KANSL1: variants seen among roughly 807,000 people sequenced by gnomAD.
KANSL1 encodes KAT8 regulatory NSL complex subunit 1.
In KANSL1, 22 loss-of-function variants were observed where a neutral mutation model predicts 103.6. The observed-to-expected ratio is 0.21, with a 90% CI of 0.15 to 0.30. The LOEUF (loss-of-function observed/expected upper bound fraction) is 0.30. KANSL1 is among the 10% of genes least tolerant of loss of function. KANSL1 has a pLI of 1.00. For synonymous variants in KANSL1, 600 were observed against 527.6 expected (o/e 1.14, Z -1.88); for missense variants, 1,337 against 1,399.8 (o/e 0.96, Z 0.72).
intron 1 of KANSL1, among the ~76,000 whole-genome samples, chr17:46,200,746 T>A (rs1161798743): frequency 9.0e-6 from 1 of 111,012 alleles, no homozygotes; most frequent in East Asian, 2.0e-4. Context: ...TGTCTCAAAA[T>A]ATATATATAT....
At chr17:46,036,046 C>T (rs2077139097) in intron 10 of KANSL1, 1 of 140,408 alleles carries the variant, frequency 7.1e-6, no homozygotes, top group African/African-American at 2.5e-5. Context: ...AAAAAAGGTT[C>T]TAGGACTCCC....
At chr17:46,106,490 T>G (rs2042574252) in intron 2 of KANSL1, among the ~76,000 whole-genome samples, 2 of 152,316 alleles carry the variant, frequency 1.3e-5, no homozygotes, top group Middle Eastern at 3.4e-3. Flanking sequence ...CCTCACGGGT[T>G]CAAGCAATTC....
chr17:46,135,087 A>G (rs1040323572), intron 2 of KANSL1, among the ~76,000 whole-genome samples: 1 of 150,854 alleles, frequency 6.6e-6, no homozygotes, highest in South Asian at 2.1e-4. Flanking sequence ...CTTAATTTCT[A>G]CTCTTTTGTG....
chr17:46,094,350 GC>G (rs1436800630), intron 3 of KANSL1: 1 of 586,390 alleles, frequency 1.7e-6, no homozygotes, highest in Non-Finnish European at 2.9e-6. Context: ...TCCTGCCTTG[GC>G]CTCCCAAAGT....
At chr17:46,058,680 ACT>A (rs1231628655) in intron 6 of KANSL1, among the ~76,000 whole-genome samples, 1 of 150,166 alleles carries the variant, frequency 6.7e-6, no homozygotes, top group Non-Finnish European at 1.5e-5. Context: ...TCAAACCAAC[ACT>A]CTCACTAATT....
chr17:46,161,594 C>A (rs569467904), intron 2 of KANSL1, among the ~76,000 whole-genome samples: 2 of 152,146 alleles, frequency 1.3e-5, no homozygotes, highest in Non-Finnish European at 2.9e-5. Context: ...AGAAACAAAC[C>A]GGAAATAGCA....
chr17:46,060,337 G>A (rs189056339), intron 6 of KANSL1, among the ~76,000 whole-genome samples: 2 of 152,342 alleles, frequency 1.3e-5, no homozygotes, highest in East Asian at 3.9e-4. Flanking sequence ...TCACAATCAA[G>A]CATATCCCAC....
chr17:46,182,710 T>C (rs1195992871), intron 1 of KANSL1, among the ~76,000 whole-genome samples: 1 of 152,274 alleles, frequency 6.6e-6, no homozygotes, highest in Non-Finnish European at 1.5e-5. Context: ...CAATGTAAGG[T>C]AAGTACTACT....
chr17:46,193,604 A>T (rs1209816885), upstream of KANSL1: 1 of 262,402 alleles, frequency 3.8e-6, no homozygotes, highest in Non-Finnish European at 8.0e-6. Flanking sequence ...CGCCTCAGTC[A>T]TGGCTCCTCG....
intron 2 of KANSL1, among the ~76,000 whole-genome samples, chr17:46,118,624 G>T (rs1006859685): frequency 2.0e-5 from 3 of 152,168 alleles, no homozygotes; most frequent in African/African-American, 7.2e-5. Context: ...ACACTTTGAT[G>T]GTCTAGAGAC....
At chr17:46,079,072 GT>G (rs1438033849) in intron 4 of KANSL1, among the ~76,000 whole-genome samples, 4 of 152,058 alleles carry the variant, frequency 2.6e-5, no homozygotes, top group African/African-American at 9.7e-5. Flanking sequence ...TCCTCCTTAG[GT>G]CTTCCCTTTC....
chr17:46,176,230 T>TA (rs1448149632), intron 1 of KANSL1, among the ~76,000 whole-genome samples: 3 of 152,230 alleles, frequency 2.0e-5, no homozygotes, highest in African/African-American at 7.2e-5. Flanking sequence ...CTTTATGACT[T>TA]ACATAAAACT....
intron 1 of KANSL1, among the ~76,000 whole-genome samples, chr17:46,187,717 T>A (rs2047097366): frequency 6.6e-6 from 1 of 152,236 alleles, no homozygotes; most frequent in African/African-American, 2.4e-5. Flanking sequence ...AACAACTATT[T>A]TGCCGCATTG....
chr17:46,072,691 C>A (rs1355380440), intron 4 of KANSL1, among the ~76,000 whole-genome samples: 1 of 152,148 alleles, frequency 6.6e-6, no homozygotes, highest in Admixed American at 6.5e-5. Flanking sequence ...ATTCCATTTT[C>A]ACTAAGTTAT....
At position 46,038,529 on chromosome 17, in the gene KANSL1, G is replaced by A; in HGVS notation, c.2541+9C>T. ...GGGGGTGTCCGGCCAACCCCACACA[G>A]GTACTTACCGATGTGCTGGCTGTAA... is the stretch of plus-strand genomic sequence containing the variant. On this transcript the variant is annotated intron_variant, in intron 10 of 14. Transcript: ENST00000432791. 1 of 1,613,728 alleles carries A rather than the reference G, an allele frequency of 6.2e-7. No individual in the cohort carries two copies. The highest frequency in any genetic ancestry group is 8.5e-7 in the Non-Finnish European group (1 of 1,179,800).
At chr17:46,072,677 G>C (rs553066167) in intron 4 of KANSL1, among the ~76,000 whole-genome samples, 1 of 152,230 alleles carries the variant, frequency 6.6e-6, no homozygotes, top group Non-Finnish European at 1.5e-5. Context: ...GGAATGTTCT[G>C]AAAATTCCAT....
intron 1 of KANSL1, among the ~76,000 whole-genome samples, chr17:46,185,842 C>A (rs1044130867): frequency 2.0e-5 from 3 of 151,990 alleles, no homozygotes. Context: ...GACAACATAG[C>A]AAGATACCAT....
In KANSL1 at chr17:46,098,100, C is replaced by T. The variant is rs1272390766; in HGVS notation, c.1290-3399G>A. Among the ~76,000 whole-genome samples, 4 of 149,646 alleles carry T rather than the reference C, an allele frequency of 2.7e-5. No individual in the cohort carries two copies. In the East Asian group the frequency reaches 7.7e-4, roughly 29 times the overall value. On this transcript the variant is annotated intron_variant, in intron 2 of 14. Transcript: ENST00000432791. ...ATGTTGGCTGCAGGTCTAGCTCTAC[C>T]CTAAATCCAGGAAATGATCTCAAGA...
intron 2 of KANSL1, among the ~76,000 whole-genome samples, chr17:46,105,434 T>G (rs986739281): frequency 6.6e-6 from 1 of 151,942 alleles, no homozygotes; most frequent in Non-Finnish European, 1.5e-5. Flanking sequence ...CTGACCAACA[T>G]GGTGAAACCC....
Sources: gnomAD v4.1 joint callset for allele counts (sites outside exome capture counted in the v4.1 genomes callset) on GRCh38, gnomAD v4.1.1 for gene constraint, MANE v1.5 for transcripts, NCBI Gene and HGNC (gene_info 2026-07-23, HGNC 2026-07-21) for gene names.